ERBIN: variants seen among roughly 807,000 people sequenced by gnomAD.
ERBIN encodes the protein densin-180-like protein.
In ERBIN, 60 loss-of-function variants were observed where a neutral mutation model predicts 158.4. The observed-to-expected ratio is 0.38, with a 90% CI of 0.31 to 0.47. The LOEUF (loss-of-function observed/expected upper bound fraction) is 0.47, where lower values mean the gene tolerates loss of function less well. Ranked by LOEUF, ERBIN falls within the 20% of genes least tolerant of loss-of-function variation. The probability of loss-of-function intolerance (pLI) is 0.99; values close to 1 mark genes in which losing one functional copy is unlikely to be tolerated. For missense variants in ERBIN, 1,610 were observed against 1,648.0 expected, an observed-to-expected ratio of 0.98 and a Z score of 0.40; for synonymous variants, 594 against 557.2, an observed-to-expected ratio of 1.07 and a Z score of -0.93.
At chr5:66,022,519 A>G (rs73763067) in intron 8 of ERBIN, among the ~76,000 whole-genome samples, 6,136 of 152,266 alleles carry the variant, frequency 0.04, 423 homozygotes, top group African/African-American at 0.14. Context: ...ACTGTTAACT[A>G]TGGTCATTAG....
intron 21 of ERBIN, among the ~76,000 whole-genome samples, chr5:66,067,767 G>T (rs1290399033): frequency 6.6e-6 from 1 of 152,048 alleles, no homozygotes; most frequent in Non-Finnish European, 1.5e-5. Flanking sequence ...CATTTTAAAA[G>T]TTATACTCAC....
chr5:66,044,413 T>C, intron 17 of ERBIN, 103 bp downstream of exon 17: 1 of 1,053,352 alleles, frequency 9.5e-7, no homozygotes, highest in South Asian at 1.7e-5. Context: ...TGTGCAGTCA[T>C]GCACCACAGA....
At chr5:66,065,045 T>C (rs569840399) in intron 21 of ERBIN, among the ~76,000 whole-genome samples, 1 of 152,248 alleles carries the variant, frequency 6.6e-6, no homozygotes, top group Admixed American at 6.5e-5. Context: ...AAATGAAGTC[T>C]TTAAAGCATT....
intron 8 of ERBIN, 66 bp downstream of exon 8, chr5:66,021,451 T>G: frequency 8.5e-7 from 1 of 1,172,466 alleles, no homozygotes; most frequent in Non-Finnish European, 1.2e-6. Context: ...ATATGAAAAT[T>G]AATGTATTTC....
chr5:65,968,824 G>C (rs771457354), intron 1 of ERBIN, among the ~76,000 whole-genome samples: 13 of 152,196 alleles, frequency 8.5e-5, no homozygotes, highest in Admixed American at 2.0e-4. Flanking sequence ...GCCTCCCAAA[G>C]TGCTGGGATT....
At chr5:65,973,426 TA>T (rs1330274545) in intron 1 of ERBIN, among the ~76,000 whole-genome samples, 7 of 150,578 alleles carry the variant, frequency 4.6e-5, no homozygotes, top group South Asian at 4.2e-4. Context: ...TAAAATAAAT[TA>T]AAAAAAAGAA....
intron 1 of ERBIN, among the ~76,000 whole-genome samples, chr5:65,941,313 T>TAAAA (rs1217469941): frequency 1.8e-4 from 11 of 60,020 alleles, no homozygotes; most frequent in South Asian, 7.0e-4. Context: ...GAATGATCAA[T>TAAAA]AAAAAAAAAA....
At position 66,045,959 on chromosome 5, in the gene ERBIN, C is replaced by T. The variant is rs565403158; in HGVS notation, c.1603-394C>T. Among the ~76,000 whole-genome samples, 8 of 152,242 alleles carry T rather than the reference C, an allele frequency of 5.3e-5. No homozygotes were observed. In the East Asian group the frequency reaches 1.5e-3, roughly 29 times the overall value. ...TATTCCTTTAGGACTTTGCCACACA[C>T]ACATTATTGTATCACAGAAACAAAA... On this transcript the variant is annotated intron_variant, in intron 17 of 25. Coordinates refer to ENST00000284037, the MANE Select transcript of ERBIN (RefSeq NM_001253697.2).
chr5:65,933,165 C>T (rs1201109572), intron 1 of ERBIN, among the ~76,000 whole-genome samples: 1 of 152,156 alleles, frequency 6.6e-6, no homozygotes, highest in Non-Finnish European at 1.5e-5. Context: ...TTAACATTGT[C>T]TTTTGTTTAT....
intron 1 of ERBIN, among the ~76,000 whole-genome samples, chr5:65,939,714 T>A (rs1264085826): frequency 1.3e-5 from 2 of 152,220 alleles, no homozygotes; most frequent in Non-Finnish European, 2.9e-5. Context: ...GCCTGACTGG[T>A]TTTCCTATTT....
chr5:66,020,213 C>T (rs946374394), intron 7 of ERBIN, among the ~76,000 whole-genome samples: 12 of 151,914 alleles, frequency 7.9e-5, no homozygotes, highest in Non-Finnish European at 8.8e-5. Context: ...AGGGAAAATT[C>T]GCTTCTAATG....
intron 1 of ERBIN, among the ~76,000 whole-genome samples, chr5:65,968,470 C>G (rs1033533973): frequency 6.6e-6 from 1 of 152,158 alleles, no homozygotes; most frequent in Non-Finnish European, 1.5e-5. Context: ...ATTGACATCA[C>G]TATCAAACTA....
At chr5:66,013,988 A>G (rs1754465216) in intron 6 of ERBIN, among the ~76,000 whole-genome samples, 1 of 152,152 alleles carries the variant, frequency 6.6e-6, no homozygotes, top group Non-Finnish European at 1.5e-5. Context: ...AAAATTCTTA[A>G]GAAAAGAGAA....
chr5:66,026,894 A>G (rs1756315834), intron 13 of ERBIN, among the ~76,000 whole-genome samples: 1 of 151,972 alleles, frequency 6.6e-6, no homozygotes, highest in African/African-American at 2.4e-5. Flanking sequence ...ATTGCTATTT[A>G]ACAAAACAAT....
At chr5:65,955,603 A>G (rs1747021265) in intron 1 of ERBIN, among the ~76,000 whole-genome samples, 1 of 152,218 alleles carries the variant, frequency 6.6e-6, no homozygotes, top group Non-Finnish European at 1.5e-5. Flanking sequence ...GCACTCCAGC[A>G]TGGGTGACAG....
chr5:65,955,974 TTAG>T (rs1747066597), intron 1 of ERBIN, among the ~76,000 whole-genome samples: 1 of 152,202 alleles, frequency 6.6e-6, no homozygotes, highest in Non-Finnish European at 1.5e-5. Flanking sequence ...CATTAGTCAC[TTAG>T]TAGTAGCTGT....
intron 15 of ERBIN, among the ~76,000 whole-genome samples, chr5:66,040,491 G>A (rs1403287470): frequency 6.6e-6 from 1 of 151,878 alleles, no homozygotes; most frequent in South Asian, 2.1e-4. Flanking sequence ...GAATGGAAGA[G>A]TTTCTAATAG....
At chr5:66,021,100 A>G (rs960975397) in intron 7 of ERBIN, among the ~76,000 whole-genome samples, 47 of 152,154 alleles carry the variant, frequency 3.1e-4, no homozygotes, top group African/African-American at 1.1e-3. Flanking sequence ...AAAAATAGAA[A>G]TGAAAAGACC....
intron 1 of ERBIN, among the ~76,000 whole-genome samples, chr5:65,978,876 G>A (rs1035014081): frequency 8.5e-5 from 13 of 152,180 alleles, no homozygotes; most frequent in Non-Finnish European, 1.9e-4. Context: ...GACCCTGTTG[G>A]ACTTGAATCT....
Sources: gnomAD v4.1 joint callset for allele counts (sites outside exome capture counted in the v4.1 genomes callset) on GRCh38, gnomAD v4.1.1 for gene constraint, MANE v1.5 for transcripts, NCBI Gene and HGNC (gene_info 2026-07-23, HGNC 2026-07-21) for gene names.